The following TMEM41B variants were observed in gnomAD, a reference collection of about 807,000 sequenced individuals.
TMEM41B encodes the protein protein stasimon.
TMEM41B carries 18 observed loss-of-function variants against 31.9 expected under a neutral mutation model. The observed-to-expected ratio is 0.56, with a 90% CI of 0.39 to 0.84. The LOEUF (loss-of-function observed/expected upper bound fraction) is 0.84. Among genes scored for constraint, TMEM41B ranks in the 40% least tolerant of loss-of-function variants. TMEM41B has a pLI of 0.00. For missense variants in TMEM41B, 322 were observed against 348.0 expected (o/e 0.93, Z 0.59); for synonymous variants, 144 against 124.3 (o/e 1.16, Z -1.05).
intron 3 of TMEM41B, 168 bp downstream of exon 3, chr11:9,295,091 T>C (rs1256050859): frequency 1.2e-5 from 11 of 919,126 alleles, no homozygotes; most frequent in Admixed American, 8.3e-5. Flanking sequence ...GTTCAGCAAA[T>C]AGGATTAAAG....
chr11:9,288,543 C>T lies in TMEM41B; in HGVS notation c.369-8G>A. The T allele has an allele frequency of 1.3e-6, 2 of 1,548,836 alleles. No homozygotes were observed. Among genetic ancestry groups the T allele is most frequent in the Non-Finnish European group, 1.7e-6 (2 of 1,149,600 alleles). Reference sequence around the variant, plus strand: ...ATAGCAAATGTTTGCAAGCTGGTAACTTTTAAGTTAAGGATTAGAATATAA... The same window carrying T: ...ATAGCAAATGTTTGCAAGCTGGTAATTTTTAAGTTAAGGATTAGAATATAA... On this transcript the variant is annotated splice_polypyrimidine_tract_variant and splice_region_variant and intron_variant, in intron 3 of 6. Coordinates refer to ENST00000528080, the MANE Select transcript of TMEM41B (RefSeq NM_015012.4).
intron 4 of TMEM41B, chr11:9,288,170 T>A: frequency 3.0e-6 from 1 of 338,652 alleles, no homozygotes; most frequent in Non-Finnish European, 5.3e-6. Flanking sequence ...ACTTAACTCA[T>A]TGTGCTCACC....
rs2133660760 is a variant in TMEM41B at position 9,314,306 on chromosome 11, C to T, written c.121+15G>A. 1.3e-6 allele frequency: 2 copies of T among 1,595,630 alleles called. No homozygotes were observed. The highest frequency in any genetic ancestry group is 1.1e-5 in the South Asian group (1 of 90,100). ...CCTCGGGCCACCCCCAGCTCTGCTCCCCGGGCCCACTCACCCTTCTGGTGG... is the reference window on the plus strand; with the variant it reads ...CCTCGGGCCACCCCCAGCTCTGCTCTCCGGGCCCACTCACCCTTCTGGTGG... On this transcript the variant is annotated intron_variant, in intron 1 of 6. Coordinates refer to ENST00000528080, the MANE Select transcript of TMEM41B (RefSeq NM_015012.4).
intron 2 of TMEM41B, among the ~76,000 whole-genome samples, chr11:9,297,815 T>A (rs1399784487): frequency 6.6e-6 from 1 of 152,118 alleles, no homozygotes; most frequent in East Asian, 1.9e-4. Context: ...GAGTCCTCAT[T>A]TGTTTACATG....
chr11:9,312,733 A>G (rs960938917), intron 1 of TMEM41B, among the ~76,000 whole-genome samples: 6 of 152,038 alleles, frequency 3.9e-5, no homozygotes, highest in Non-Finnish European at 7.4e-5. Context: ...GTGAAACCCC[A>G]TCTCTACTAA....
chr11:9,309,201 G>A lies in TMEM41B; in HGVS notation c.121+5120C>T, dbSNP rs575701690. 8.6e-5 allele frequency among the ~76,000 whole-genome samples: 13 copies of A among 151,834 alleles called. No individual in the cohort carries two copies. The South Asian group carries it at 2.5e-3, about 29-fold the overall frequency. ...GTGGAGGTTGTGGTGAGCCAAGATCGCACCATTGCACTCCAGCCTGGGCAA... is the reference window on the plus strand; with the variant it reads ...GTGGAGGTTGTGGTGAGCCAAGATCACACCATTGCACTCCAGCCTGGGCAA... On this transcript the variant is annotated intron_variant, in intron 1 of 6. Coordinates refer to ENST00000528080, the MANE Select transcript of TMEM41B (RefSeq NM_015012.4).
intron 3 of TMEM41B, among the ~76,000 whole-genome samples, chr11:9,290,582 G>C (rs1346422969): frequency 6.6e-6 from 1 of 151,550 alleles, no homozygotes. Context: ...AAGAAAGCAA[G>C]ACTCCAAAGG....
Position 9,282,896 on chromosome 11 carries a change from T to C in TMEM41B, c.*528A>G, listed in dbSNP as rs1210768778. ...TTGCAGTGAGTGGAGATCGCGCCAC[T>C]GCACTCCAGCCTGGGCGGCAGAGCT... is the stretch of plus-strand genomic sequence containing the variant. On this transcript the variant is annotated 3_prime_UTR_variant, in exon 7 of 7. Transcript: ENST00000528080. 1.5e-5 allele frequency: 2 copies of C among 136,898 alleles called. No homozygotes were observed. Among genetic ancestry groups the C allele is most frequent in the African/African-American group, 5.6e-5 (2 of 35,956 alleles). The allele number at this position is 136,898 out of a possible 1,614,324, so 8.5% of individuals were successfully genotyped here. A position where few individuals can be genotyped will look rare whatever the true frequency, so the allele number is the denominator to read the frequency against.
chr11:9,299,443 G>A (rs759316731), intron 2 of TMEM41B, 141 bp downstream of exon 2: 9 of 592,330 alleles, frequency 1.5e-5, no homozygotes, highest in Non-Finnish European at 2.7e-5. Context: ...GGCTGGTCTC[G>A]CACTCCTGGA....
chr11:9,312,977 G>A (rs1564970666), intron 1 of TMEM41B, among the ~76,000 whole-genome samples: 2 of 150,690 alleles, frequency 1.3e-5, no homozygotes, highest in Non-Finnish European at 2.9e-5. Flanking sequence ...TAAAAAGTAA[G>A]AGCACTTTGG....
At chr11:9,302,006 G>A (rs749224480) in intron 1 of TMEM41B, among the ~76,000 whole-genome samples, 35 of 134,690 alleles carry the variant, frequency 2.6e-4, no homozygotes, top group Non-Finnish European at 3.8e-4. Flanking sequence ...TATTTTTCTC[G>A]GTTTTTTTTT....
chr11:9,310,058 T>C (rs1435608897), intron 1 of TMEM41B, among the ~76,000 whole-genome samples: 12 of 151,064 alleles, frequency 7.9e-5, no homozygotes, highest in African/African-American at 2.0e-4. Flanking sequence ...TTTTTTGAGA[T>C]GGAGTCTCAC....
At chr11:9,306,761 A>G (rs994072051) in intron 1 of TMEM41B, among the ~76,000 whole-genome samples, 2 of 152,102 alleles carry the variant, frequency 1.3e-5, no homozygotes, top group African/African-American at 2.4e-5. Flanking sequence ...TCAGTTAGGG[A>G]TATCACTGGC....
chr11:9,283,787 AT>A (rs373365005), intron 6 of TMEM41B, among the ~76,000 whole-genome samples, 194 bp from the exon 7 acceptor site: 8,183 of 146,096 alleles, frequency 0.056, 699 homozygotes, highest in African/African-American at 0.19. Context: ...AAGGATAATG[AT>A]TTTTTTTTTT....
rs1027717562 is a variant in TMEM41B at position 9,282,872 on chromosome 11, T to C, written c.*552A>G. On this transcript the variant is annotated 3_prime_UTR_variant, in exon 7 of 7. Coordinates refer to ENST00000528080, the MANE Select transcript of TMEM41B (RefSeq NM_015012.4). ...TGGCGTGAACCCAGGAGGTGGAGCT[T>C]GCAGTGAGTGGAGATCGCGCCACTG... The C allele has an allele frequency of 2.0e-5, 3 of 148,254 alleles. No individual in the cohort carries two copies. Among genetic ancestry groups the C allele is most frequent in the African/African-American group, 7.5e-5 (3 of 39,854 alleles). 9.2% of individuals were successfully genotyped at this position (148,254 alleles called of 1,614,324 possible). A position where few individuals can be genotyped will look rare whatever the true frequency, so the allele number is the denominator to read the frequency against.
At chr11:9,306,092 C>T (rs918300534) in intron 1 of TMEM41B, among the ~76,000 whole-genome samples, 2 of 151,014 alleles carry the variant, frequency 1.3e-5, no homozygotes, top group Non-Finnish European at 2.9e-5. Flanking sequence ...CATTCTCCTG[C>T]CTCAGCCTCC....
At chr11:9,303,760 C>G (rs577231115) in intron 1 of TMEM41B, among the ~76,000 whole-genome samples, 8 of 151,078 alleles carry the variant, frequency 5.3e-5, no homozygotes, top group African/African-American at 1.9e-4. Context: ...CTCTGCCTCC[C>G]AGGTTCAAGC....
chr11:9,290,999 C>A (rs1157047088), intron 3 of TMEM41B, among the ~76,000 whole-genome samples: 1 of 151,996 alleles, frequency 6.6e-6, no homozygotes, highest in African/African-American at 2.4e-5. Context: ...GCCTGTAATG[C>A]CAGGTACTCA....
chr11:9,299,378 TAC>T (rs923969011), intron 2 of TMEM41B, among the ~76,000 whole-genome samples: 30 of 136,252 alleles, frequency 2.2e-4, no homozygotes, highest in Non-Finnish European at 4.1e-4. Flanking sequence ...AATATACATA[TAC>T]ACACACACAT....
Sources: allele counts gnomAD v4.1 joint callset (sites outside exome capture counted in the v4.1 genomes callset), GRCh38; gene constraint gnomAD v4.1.1; transcripts MANE v1.5; gene names NCBI Gene and HGNC (gene_info 2026-07-23, HGNC 2026-07-21).